SLC16A9: variants seen among roughly 807,000 people sequenced by gnomAD.
The protein encoded by SLC16A9 is monocarboxylate transporter 9.
A neutral mutation model predicts 44.3 loss-of-function variants in SLC16A9; 26 were observed. The observed-to-expected ratio is 0.59, with a 90% confidence interval of 0.43 to 0.81. The LOEUF is 0.81. SLC16A9 is among the 40% of genes least tolerant of loss of function. The pLI, the probability that SLC16A9 is intolerant of heterozygous loss-of-function variation, is 0.00. For synonymous variants in SLC16A9, 230 were observed against 225.1 expected (o/e 1.02, Z -0.19); for missense variants, 559 against 595.8 (o/e 0.94, Z 0.64).
chr10:59,667,109 A>T (rs1048633188), intron 3 of SLC16A9, among the ~76,000 whole-genome samples: 2 of 152,220 alleles, frequency 1.3e-5, no homozygotes, highest in African/African-American at 4.8e-5. Context: ...TTGAATAAAG[A>T]TCTACTCAAA....
At chr10:59,665,577 TAA>T (rs562090153) in intron 3 of SLC16A9, among the ~76,000 whole-genome samples, 99 of 152,238 alleles carry the variant, frequency 6.5e-4, no homozygotes, top group African/African-American at 2.2e-3. Context: ...TCTCAAAATC[TAA>T]GACATGAGTT....
At chr10:59,675,642 C>T (rs945922484) in intron 2 of SLC16A9, among the ~76,000 whole-genome samples, 11 of 152,220 alleles carry the variant, frequency 7.2e-5, no homozygotes, top group South Asian at 6.2e-4. Context: ...GGTGGATGTA[C>T]GACCTTCCTC....
At chr10:59,687,044 A>T (rs1487287221) in intron 1 of SLC16A9, among the ~76,000 whole-genome samples, 2 of 152,174 alleles carry the variant, frequency 1.3e-5, no homozygotes, top group Non-Finnish European at 2.9e-5. Flanking sequence ...AATAGCTGGG[A>T]TTACAGGCAC....
At chr10:59,666,462 A>G (rs1477242499) in intron 3 of SLC16A9, among the ~76,000 whole-genome samples, 1 of 152,154 alleles carries the variant, frequency 6.6e-6, no homozygotes, top group South Asian at 2.1e-4. Flanking sequence ...TTATAATAAT[A>G]CTAAGATGTT....
intron 4 of SLC16A9, among the ~76,000 whole-genome samples, chr10:59,662,161 T>G (rs1839489860): frequency 6.6e-6 from 1 of 152,038 alleles, no homozygotes; most frequent in African/African-American, 2.4e-5. Flanking sequence ...AAAGAGCTTC[T>G]GCAAAGCAAA....
In SLC16A9 at chr10:59,672,758, G is replaced by A. The variant is rs747381723; in HGVS notation, c.340+12C>T. The A allele has an allele frequency of 6.2e-6, 10 of 1,607,586 alleles. No homozygotes were observed. The Admixed American group carries it at 1.0e-4, about 16-fold the overall frequency. The stretch of plus-strand genomic sequence containing the variant: ...TGAAGGTTAGGAAAGTCATAGTGAC[G>A]AGGTTCCTTACCTACAACAATGCCA... On this transcript the variant is annotated intron_variant, in intron 3 of 5. Transcript: ENST00000395348.
At chr10:59,670,834 T>G (rs578168580) in intron 3 of SLC16A9, among the ~76,000 whole-genome samples, 1 of 152,248 alleles carries the variant, frequency 6.6e-6, no homozygotes, top group South Asian at 2.1e-4. Context: ...CCCACAAACA[T>G]TCCATGAGCC....
At chr10:59,699,842 C>T (rs1323590777) in intron 1 of SLC16A9, among the ~76,000 whole-genome samples, 2 of 151,620 alleles carry the variant, frequency 1.3e-5, no homozygotes, top group Non-Finnish European at 1.5e-5. Context: ...CATAATAGGA[C>T]ATCTTCTGTT....
intron 2 of SLC16A9, among the ~76,000 whole-genome samples, chr10:59,678,284 T>C (rs1303024689): frequency 6.6e-6 from 1 of 151,806 alleles, no homozygotes; most frequent in Non-Finnish European, 1.5e-5. Context: ...TACCTTTCCA[T>C]CTAAAATTCA....
At chr10:59,695,249 G>T (rs1326289933) in intron 1 of SLC16A9, among the ~76,000 whole-genome samples, 1 of 151,994 alleles carries the variant, frequency 6.6e-6, no homozygotes, top group Non-Finnish European at 1.5e-5. Flanking sequence ...AGTGATGGTT[G>T]TACTACTCTG....
At chr10:59,690,665 T>C (rs1052114458) in intron 1 of SLC16A9, among the ~76,000 whole-genome samples, 8 of 152,180 alleles carry the variant, frequency 5.3e-5, no homozygotes, top group African/African-American at 1.9e-4. Context: ...AGAAAAATGG[T>C]ACTCTCCATG....
Sources: allele counts gnomAD v4.1 joint callset (sites outside exome capture counted in the v4.1 genomes callset), GRCh38; gene constraint gnomAD v4.1.1; transcripts MANE v1.5; gene names NCBI Gene and HGNC (gene_info 2026-07-23, HGNC 2026-07-21).